The following SPG7 variants were observed in gnomAD, a reference collection of about 807,000 sequenced individuals.
SPG7 encodes mitochondrial inner membrane m-AAA protease component paraplegin.
A neutral mutation model predicts 81.9 loss-of-function variants in SPG7; 103 were observed. The observed-to-expected ratio is 1.26, with a 90% CI of 1.07 to 1.48. The LOEUF is 1.48. Ranked by LOEUF, SPG7 falls within the 40% of genes most tolerant of loss-of-function variation. The probability of loss-of-function intolerance (pLI) is 0.00; values close to 1 mark genes in which losing one functional copy is unlikely to be tolerated. For missense variants in SPG7, 1,241 were observed against 1,087.3 expected, an observed-to-expected ratio of 1.14 and a Z score of -1.99; for synonymous variants, 534 against 444.2, an observed-to-expected ratio of 1.20 and a Z score of -2.54.
Position 89,553,808 on chromosome 16 carries a change from C to G in SPG7, c.1951C>G (p.Leu651Val). Residue 651 changes from leucine to valine, a missense_variant, in exon 15 of 17, where the codon CTG becomes GTG. By Grantham distance (32) the Leu-to-Val change is conservative. Transcript: ENST00000645818. ...NEVTSGAQDD[L>V]RKVTRIAYSM... is the part of the protein sequence containing the mutation. The stretch of plus-strand genomic sequence containing the variant: ...CCGCCCTCCAGGGGCACAGGACGAC[C>G]TGAGGAAGGTCACCCGCATCGCCTA... The G allele has an allele frequency of 6.2e-7, 1 of 1,613,500 alleles. No homozygotes were observed. Among genetic ancestry groups the G allele is most frequent in the Non-Finnish European group, 8.5e-7 (1 of 1,180,018 alleles).
At chr16:89,526,623 A>G in intron 5 of SPG7, 155 bp downstream of exon 5, 1 of 772,802 alleles carries the variant, frequency 1.3e-6, no homozygotes, top group Non-Finnish European at 2.3e-6. Context: ...TGAATGATAC[A>G]ATGCCAGGAG....
chr16:89,549,074 C>T (rs1412954722), intron 12 of SPG7: 1 of 456,158 alleles, frequency 2.2e-6, no homozygotes, highest in Non-Finnish European at 4.4e-6. Context: ...TGGCTTCTCT[C>T]CGACAGCCCT....
At chr16:89,546,189 T>G in intron 10 of SPG7, 1 of 300,570 alleles carries the variant, frequency 3.3e-6, no homozygotes, top group South Asian at 2.9e-5. Flanking sequence ...CAGGTTCAAG[T>G]GATTGTCCCG....
At chr16:89,547,855 T>C in intron 11 of SPG7, 148 bp from the exon 12 acceptor site, 2 of 709,534 alleles carry the variant, frequency 2.8e-6, no homozygotes, top group Non-Finnish European at 5.1e-6. Flanking sequence ...TCAGGTGATC[T>C]GCCCACCTCA....
intron 3 of SPG7, among the ~76,000 whole-genome samples, chr16:89,516,120 T>G (rs1287036118): frequency 1.3e-5 from 2 of 152,094 alleles, no homozygotes; most frequent in African/African-American, 2.4e-5. Flanking sequence ...CACGAATAGC[T>G]GGGATCACAG....
At chr16:89,530,158 T>A (rs377729705) in intron 6 of SPG7, 23 of 270,860 alleles carry the variant, frequency 8.5e-5, no homozygotes, top group African/African-American at 4.5e-4. Flanking sequence ...TGTGTGTGTG[T>A]GTGTGTGACA....
At chr16:89,550,453 G>T (rs748963486) in intron 12 of SPG7, 41 bp from the exon 13 acceptor site, 2 of 1,446,332 alleles carry the variant, frequency 1.4e-6, no homozygotes, top group African/African-American at 2.8e-5. Flanking sequence ...GATTACAGGC[G>T]TGAGCCACCG....
chr16:89,543,300 G>A (rs1018245031), intron 9 of SPG7: 1 of 146,662 alleles, frequency 6.8e-6, no homozygotes, highest in Non-Finnish European at 1.5e-5. Flanking sequence ...GTCAAGGTAG[G>A]TCTTGTCGTA....
At chr16:89,528,374 A>T (rs1211298270) in intron 5 of SPG7, among the ~76,000 whole-genome samples, 1 of 146,896 alleles carries the variant, frequency 6.8e-6, no homozygotes, top group Non-Finnish European at 1.5e-5. Context: ...CCTGGGTGAC[A>T]GAGCCAGACT....
chr16:89,548,178 G>T, intron 12 of SPG7, 65 bp downstream of exon 12: 1 of 1,158,238 alleles, frequency 8.6e-7, no homozygotes, highest in Admixed American at 1.7e-5. Context: ...AAATACCCAG[G>T]CAGGTATTGA....
Position 89,526,430 on chromosome 16 carries a change from G to C in SPG7, c.720G>C (p.Arg240Ser). The C allele has an allele frequency of 6.2e-7, 1 of 1,614,218 alleles. No individual in the cohort carries two copies. Among genetic ancestry groups the C allele is most frequent in the African/African-American group, 1.3e-5 (1 of 75,048 alleles). ...EDELNIEAKD[R>S]IPVSYKRTGF... is the part of the protein sequence containing the mutation. ...AGCTGAATATCGAGGCCAAGGACAG[G>C]ATCCCAGTTTCCTACAAGCGAACAG... Residue 240 changes from arginine to serine, a missense_variant, in exon 5 of 17, where the codon AGG (arginine) becomes AGC (serine). Coordinates refer to ENST00000645818, the MANE Select transcript of SPG7 (RefSeq NM_003119.4).
chr16:89,513,095 G>C, intron 3 of SPG7, 58 bp downstream of exon 3: 5 of 1,550,028 alleles, frequency 3.2e-6, no homozygotes, highest in Non-Finnish European at 4.4e-6. Context: ...TTACATTTCT[G>C]TTTTCCTTTT....
intron 10 of SPG7, chr16:89,546,145 GGCGCGA>G: frequency 3.4e-6 from 1 of 293,428 alleles, no homozygotes; most frequent in Non-Finnish European, 6.7e-6. Flanking sequence ...GGAGTGCAGC[GGCGCGA>G]TCTCGGCTCA....
chr16:89,529,347 G>T (rs1022474213), intron 5 of SPG7, 130 bp from the exon 6 acceptor site: 3 of 710,060 alleles, frequency 4.2e-6, no homozygotes. Flanking sequence ...TTTAATCTGC[G>T]CATCGGTCCC....
chr16:89,521,429 A>T (rs185105017), intron 3 of SPG7: 3 of 152,358 alleles, frequency 2.0e-5, no homozygotes, highest in African/African-American at 7.2e-5. Flanking sequence ...TTGTAGACCA[A>T]ATCCAAGCTG....
chr16:89,556,276 C>A, intron 16 of SPG7: 1 of 397,856 alleles, frequency 2.5e-6, no homozygotes, highest in Non-Finnish European at 4.4e-6. Context: ...TTTAGAAAAT[C>A]TGGAAGAGTG....
intron 16 of SPG7, chr16:89,555,758 G>GT (rs2058681685): frequency 2.5e-6 from 1 of 397,902 alleles, no homozygotes; most frequent in Admixed American, 4.4e-5. Context: ...TTGTCCCTGG[G>GT]TTTGGTAACT....
chr16:89,526,179 G>C, intron 4 of SPG7, 150 bp from the exon 5 acceptor site: 1 of 909,748 alleles, frequency 1.1e-6, no homozygotes, highest in Non-Finnish European at 1.8e-6. Context: ...ACCGTCGTAC[G>C]TTAGGAATCA....
At chr16:89,549,372 G>A (rs1462355406) in intron 12 of SPG7, 1 of 381,362 alleles carries the variant, frequency 2.6e-6, no homozygotes, top group South Asian at 2.0e-5. Flanking sequence ...GCAAACATTT[G>A]TCCCTGGCTG....
Sources: gnomAD v4.1 joint callset for allele counts (sites outside exome capture counted in the v4.1 genomes callset) on GRCh38, gnomAD v4.1.1 for gene constraint, MANE v1.5 for transcripts, NCBI Gene and HGNC (gene_info 2026-07-23, HGNC 2026-07-21) for gene names.